STK17A: variants seen among roughly 807,000 people sequenced by gnomAD.
The protein encoded by STK17A is serine/threonine-protein kinase 17A.
STK17A carries 26 observed loss-of-function variants against 43.7 expected under a neutral mutation model. That is an observed-to-expected ratio of 0.60 (90% confidence interval 0.44 to 0.83). STK17A has a LOEUF of 0.83. Among genes scored for constraint, STK17A ranks in the 40% least tolerant of loss-of-function variants. STK17A has a pLI of 0.00. For synonymous variants in STK17A, 191 were observed against 182.5 expected (o/e 1.05, Z -0.38); for missense variants, 476 against 511.6 (o/e 0.93, Z 0.67).
At position 43,616,724 on chromosome 7, in the gene STK17A, C is replaced by T. The variant is rs1352611083; in HGVS notation, c.565-2873C>T. On this transcript the variant is annotated intron_variant, in intron 3 of 6. Coordinates refer to ENST00000319357, the MANE Select transcript of STK17A (RefSeq NM_004760.3). Reference sequence around the variant, plus strand: ...CATCCTGGCTAACACGGTGAAACCCCGTCTCTACTAAAAATACAAAAAATT... The same window carrying T: ...CATCCTGGCTAACACGGTGAAACCCTGTCTCTACTAAAAATACAAAAAATT... Among the ~76,000 whole-genome samples the T allele has an allele frequency of 6.6e-5, 10 of 152,160 alleles. 1 individual carries two copies. Among genetic ancestry groups the T allele is most frequent in the Middle Eastern group, 3.4e-3 (1 of 294 alleles).
intron 2 of STK17A, among the ~76,000 whole-genome samples, chr7:43,600,361 G>A (rs1313337888): frequency 6.6e-6 from 1 of 151,988 alleles, no homozygotes; most frequent in Non-Finnish European, 1.5e-5. Context: ...TGTGATTTGG[G>A]GATTTTAGAC....
intron 2 of STK17A, among the ~76,000 whole-genome samples, chr7:43,598,523 A>G (rs1343122427): frequency 6.6e-6 from 1 of 151,828 alleles, no homozygotes; most frequent in Non-Finnish European, 1.5e-5. Flanking sequence ...ATAAATGTAT[A>G]TCCCCATAGT....
chr7:43,617,368 A>G (rs1406688644), intron 3 of STK17A, among the ~76,000 whole-genome samples: 1 of 152,258 alleles, frequency 6.6e-6, no homozygotes, highest in Non-Finnish European at 1.5e-5. Flanking sequence ...GGCCATTGCA[A>G]TAGAGCAAGA....
intron 2 of STK17A, among the ~76,000 whole-genome samples, chr7:43,600,183 C>T (rs538872260): frequency 4.5e-4 from 69 of 152,236 alleles, no homozygotes; most frequent in African/African-American, 1.5e-3. Flanking sequence ...CAGTTTGGCA[C>T]CCATAATGCA....
At chr7:43,598,469 CAAAAA>C (rs61683967) in intron 2 of STK17A, among the ~76,000 whole-genome samples, 2 of 80,426 alleles carry the variant, frequency 2.5e-5, no homozygotes, top group African/African-American at 5.3e-5. Flanking sequence ...GACTCCGTCT[CAAAAA>C]AAAAAAAAAA....
At chr7:43,610,793 AT>A (rs1199832002) in intron 3 of STK17A, among the ~76,000 whole-genome samples, 2 of 152,004 alleles carry the variant, frequency 1.3e-5, no homozygotes, top group Non-Finnish European at 2.9e-5. Flanking sequence ...TAACTGCTTA[AT>A]TTTTATTGCA....
intron 3 of STK17A, among the ~76,000 whole-genome samples, chr7:43,613,668 C>A (rs776432633): frequency 6.6e-6 from 1 of 151,938 alleles, no homozygotes; most frequent in African/African-American, 2.4e-5. Flanking sequence ...CATAGTGAGA[C>A]CTCATCTCCA....
In STK17A at chr7:43,623,825, AATTT is replaced by A. The variant is rs762175288; in HGVS notation, c.858_861del (p.Phe287MetfsTer15). The A allele has an allele frequency of 4.4e-6, 7 of 1,602,284 alleles. 1 individual carries two copies. In the South Asian group the frequency reaches 8.0e-5, roughly 18 times the overall value. On this transcript the variant is annotated frameshift_variant, in exon 6 of 7. Transcript: ENST00000319357. LOFTEE classifies it high-confidence loss of function. ...ATGAATTTAAGTTATTCTGAGGAAG[AATTT>A]GATGTTTTGTCTGAGTCGGCTGTTG...
chr7:43,624,808 T>G lies in STK17A; in HGVS notation c.1211T>G (p.Leu404Trp), dbSNP rs138840285. 1.4e-5 allele frequency: 22 copies of G among 1,605,346 alleles called. No individual in the cohort carries two copies. The highest frequency in any genetic ancestry group is 1.9e-5 in the Non-Finnish European group (22 of 1,175,284). The change falls in exon 7 of 7, where the codon TTG (leucine) becomes TGG (tryptophan). Residue 404 changes from leucine to tryptophan, a missense_variant. Leu to Trp is a moderately conservative substitution (Grantham distance 61). Coordinates refer to ENST00000319357, the MANE Select transcript of STK17A (RefSeq NM_004760.3). ...AAACGATTTAAATTTGAGGAACCTT[T>G]GCTACAAGAAATTCCAGGAGAATTT... ...ISKRFKFEEP[L>W]LQEIPGEFIY
chr7:43,614,713 T>G (rs1451421298), intron 3 of STK17A, among the ~76,000 whole-genome samples: 1 of 152,236 alleles, frequency 6.6e-6, no homozygotes, highest in East Asian at 1.9e-4. Context: ...AACCTCTCTC[T>G]CAGTTGTTTA....
intron 1 of STK17A, among the ~76,000 whole-genome samples, chr7:43,594,220 T>G (rs1243206659): frequency 6.6e-6 from 1 of 150,682 alleles, no homozygotes; most frequent in African/African-American, 2.4e-5. Context: ...ATGGTGCCAC[T>G]GCACTCCAGC....
chr7:43,589,495 C>T (rs1583546412), intron 1 of STK17A, among the ~76,000 whole-genome samples: 1 of 151,460 alleles, frequency 6.6e-6, no homozygotes, highest in South Asian at 2.1e-4. Context: ...TGCTTATAAT[C>T]CAACACTTGA....
At chr7:43,593,643 A>T (rs1443208034) in intron 1 of STK17A, among the ~76,000 whole-genome samples, 1 of 151,708 alleles carries the variant, frequency 6.6e-6, no homozygotes, top group African/African-American at 2.4e-5. Context: ...AGTGATGTTG[A>T]ACATTTTTTA....
chr7:43,612,047 C>T (rs2082925542), intron 3 of STK17A, among the ~76,000 whole-genome samples: 1 of 152,200 alleles, frequency 6.6e-6, no homozygotes, highest in Non-Finnish European at 1.5e-5. Flanking sequence ...AATTATATCC[C>T]TTTCTCCTCA....
chr7:43,623,618 G>T lies in STK17A; in HGVS notation c.738G>T (p.Met246Ile). The change falls in exon 5 of 7, where the codon ATG becomes ATT. Residue 246 changes from methionine (M) to isoleucine (I), a missense_variant and splice_region_variant. By Grantham distance (10) the Met-to-Ile change is conservative (BLOSUM62 1). Around this residue, in one of 3 missense-constraint regions of STK17A, gnomAD observed 320 missense variants for 326.3 expected, o/e 0.98. Transcript: ENST00000319357. ...ATCCTATAAGCATGGCAACAGATAT[G>T]TGGTAAGAGTTATTAATGAAAAATT... Reference protein sequence around the residue: ...SYDPISMATDMWSIGVLTYVM... With the variant: ...SYDPISMATDIWSIGVLTYVM... 1 of 1,610,620 alleles carries T rather than the reference G, an allele frequency of 6.2e-7. No homozygotes were observed. Among genetic ancestry groups the T allele is most frequent in the East Asian group, 2.2e-5 (1 of 44,700 alleles).
chr7:43,604,217 A>G (rs2082574326), intron 2 of STK17A, among the ~76,000 whole-genome samples: 1 of 152,180 alleles, frequency 6.6e-6, no homozygotes, highest in South Asian at 2.1e-4. Flanking sequence ...AGAAAAAAAA[A>G]TCAACCTTAG....
chr7:43,605,183 T>C (rs1257207143), intron 2 of STK17A, among the ~76,000 whole-genome samples: 2 of 152,206 alleles, frequency 1.3e-5, no homozygotes, highest in Admixed American at 6.5e-5. Flanking sequence ...TTCCTATTGG[T>C]TGTGAATTGT....
chr7:43,608,156 C>CAGTT (rs2082628599), intron 2 of STK17A, 100 bp from the exon 3 acceptor site: 1 of 1,156,916 alleles, frequency 8.6e-7, no homozygotes, highest in African/African-American at 1.6e-5. Context: ...AAAAGGTATA[C>CAGTT]AGTTACTGCC....
intron 3 of STK17A, chr7:43,609,433 A>G (rs2082673010): frequency 6.6e-6 from 1 of 152,260 alleles, no homozygotes; most frequent in Admixed American, 6.5e-5. Context: ...AACACTTTCT[A>G]CCATCCTAAC....
Sources: allele counts gnomAD v4.1 joint callset (sites outside exome capture counted in the v4.1 genomes callset), GRCh38; gene constraint gnomAD v4.1.1; regional missense constraint gnomAD v4.1.1; transcripts MANE v1.5; gene names NCBI Gene and HGNC (gene_info 2026-07-23, HGNC 2026-07-21).